MAF: variants seen among roughly 807,000 people sequenced by gnomAD.
MAF encodes MAF bZIP transcription factor.
MAF carries 10 observed loss-of-function variants against 22.0 expected under a neutral mutation model. That is an observed-to-expected ratio of 0.45 (90% CI 0.28 to 0.77). The LOEUF (loss-of-function observed/expected upper bound fraction) is 0.77. MAF is among the 30% of genes least tolerant of loss of function. The pLI is 0.12. For synonymous variants in MAF, 337 were observed against 255.8 expected, an observed-to-expected ratio of 1.32 and a Z score of -3.03; for missense variants, 544 against 548.4, an observed-to-expected ratio of 0.99 and a Z score of 0.08.
the MAF span, among the ~76,000 whole-genome samples, chr16:79,363,815 C>A: frequency 1.3e-5 from 2 of 152,110 alleles, no homozygotes; most frequent in South Asian, 4.1e-4. Context: ...TATAGGACAT[C>A]TAAGTGAAGG....
At chr16:79,581,152 C>T (rs889024290), downstream of MAF, among the ~76,000 whole-genome samples, 40 of 152,020 alleles carry the variant, frequency 2.6e-4, no homozygotes, top group Admixed American at 1.6e-3. Context: ...CTAATCACTC[C>T]ATTAAAAAGA....
the MAF span, among the ~76,000 whole-genome samples, chr16:79,209,588 C>A: frequency 2.6e-5 from 4 of 152,114 alleles, no homozygotes; most frequent in Admixed American, 2.6e-4. Context: ...GTCACTTGGC[C>A]ACTCTGGTCG....
chr16:79,261,111 GC>G, the MAF span, among the ~76,000 whole-genome samples: 1 of 152,090 alleles, frequency 6.6e-6, no homozygotes, highest in South Asian at 2.1e-4. Context: ...GAGGAAGCTG[GC>G]AGGATGGCCC....
At chr16:79,275,469 A>G in the MAF span, among the ~76,000 whole-genome samples, 1 of 152,250 alleles carries the variant, frequency 6.6e-6, no homozygotes, top group Admixed American at 6.5e-5. Flanking sequence ...ATTTCACAGG[A>G]CTGACTTCAT....
chr16:79,398,413 C>G, the MAF span, among the ~76,000 whole-genome samples: 4 of 152,302 alleles, frequency 2.6e-5, no homozygotes, highest in South Asian at 8.3e-4. Flanking sequence ...TATTTGCATA[C>G]TCCTCAGGGA....
the MAF span, among the ~76,000 whole-genome samples, chr16:79,470,790 G>T: frequency 6.6e-6 from 1 of 152,176 alleles, no homozygotes; most frequent in Non-Finnish European, 1.5e-5. Context: ...GTGGATGGAT[G>T]GGTGAACGGA....
the MAF span, among the ~76,000 whole-genome samples, chr16:79,217,504 T>C: frequency 2.0e-5 from 3 of 152,242 alleles, no homozygotes; most frequent in Admixed American, 6.5e-5. Context: ...TCCAGCAATA[T>C]TGGCTTCAGC....
the MAF span, among the ~76,000 whole-genome samples, chr16:79,471,053 T>A: frequency 3.9e-5 from 6 of 152,204 alleles, no homozygotes; most frequent in Non-Finnish European, 8.8e-5. Flanking sequence ...TTCTTGCAGA[T>A]GTGTGTTTAA....
chr16:79,391,806 G>GTCCCCCTT, the MAF span, among the ~76,000 whole-genome samples: 1 of 151,854 alleles, frequency 6.6e-6, no homozygotes. Flanking sequence ...AAGCAAATGT[G>GTCCCCCTT]TCCCCCTTTC....
chr16:79,221,333 G>C, the MAF span, among the ~76,000 whole-genome samples: 1 of 152,100 alleles, frequency 6.6e-6, no homozygotes, highest in African/African-American at 2.4e-5. Context: ...ATCCTCCCTG[G>C]GAAAAAATTC....
the MAF span, among the ~76,000 whole-genome samples, chr16:79,476,167 A>G: frequency 6.6e-6 from 1 of 152,088 alleles, no homozygotes; most frequent in African/African-American, 2.4e-5. Context: ...GCTGGAAGGG[A>G]GTTCTGTCAA....
chr16:79,301,547 C>A, the MAF span, among the ~76,000 whole-genome samples: 1 of 152,178 alleles, frequency 6.6e-6, no homozygotes, highest in African/African-American at 2.4e-5. Context: ...GTTTTATATG[C>A]ATTTACATAG....
the MAF span, among the ~76,000 whole-genome samples, chr16:79,417,872 T>A: frequency 6.6e-6 from 1 of 152,146 alleles, no homozygotes; most frequent in East Asian, 1.9e-4. Flanking sequence ...CTTTCCACGA[T>A]AACGCATCCG....
the MAF span, among the ~76,000 whole-genome samples, chr16:79,368,288 C>A: frequency 6.6e-6 from 1 of 152,136 alleles, no homozygotes; most frequent in African/African-American, 2.4e-5. Context: ...GCTCCAGATT[C>A]TATCTGCTTG....
chr16:79,459,258 T>G, the MAF span, among the ~76,000 whole-genome samples: 1 of 152,150 alleles, frequency 6.6e-6, no homozygotes, highest in Non-Finnish European at 1.5e-5. Flanking sequence ...AAACAAAAGA[T>G]ACAAGAATCC....
the MAF span, among the ~76,000 whole-genome samples, chr16:79,304,362 G>A: frequency 1.3e-5 from 2 of 152,184 alleles, no homozygotes; most frequent in Non-Finnish European, 2.9e-5. Flanking sequence ...GGGTGATACT[G>A]TATCGTATTA....
the MAF span, among the ~76,000 whole-genome samples, chr16:79,214,180 C>T: frequency 6.6e-6 from 1 of 152,120 alleles, no homozygotes; most frequent in Admixed American, 6.5e-5. Flanking sequence ...TTCTCCACAA[C>T]ACTTAATATT....
At chr16:79,213,660 G>A in the MAF span, among the ~76,000 whole-genome samples, 4 of 152,112 alleles carry the variant, frequency 2.6e-5, no homozygotes, top group South Asian at 4.1e-4. Context: ...TGAGAGACAC[G>A]TAGTCACTCC....
At chr16:79,363,927 G>A in the MAF span, among the ~76,000 whole-genome samples, 33 of 152,268 alleles carry the variant, frequency 2.2e-4, no homozygotes, top group East Asian at 5.8e-4. Context: ...TTGGAGGGAC[G>A]GTGGAGATGC....
Sources: gnomAD v4.1 joint callset for allele counts (sites outside exome capture counted in the v4.1 genomes callset) on GRCh38, gnomAD v4.1.1 for gene constraint, MANE v1.5 for transcripts, NCBI Gene and HGNC (gene_info 2026-07-23, HGNC 2026-07-21) for gene names.